Variants in GLRX3 observed in about 807,000 individuals in gnomAD.
The protein encoded by GLRX3 is glutaredoxin 3, also known as glutaredoxin-3.
A neutral mutation model predicts 49.5 loss-of-function variants in GLRX3; 22 were observed. The observed-to-expected ratio is 0.44, with a 90% CI of 0.32 to 0.63. The LOEUF (loss-of-function observed/expected upper bound fraction) is 0.63. Ranked by LOEUF, GLRX3 falls within the 30% of genes least tolerant of loss-of-function variation. The probability of loss-of-function intolerance (pLI) is 0.05; values close to 1 mark genes in which losing one functional copy is unlikely to be tolerated. For missense variants in GLRX3, 385 were observed against 396.3 expected (o/e 0.97, Z 0.24); for synonymous variants, 133 against 140.0 (o/e 0.95, Z 0.35).
intron 1 of GLRX3, among the ~76,000 whole-genome samples, chr10:130,138,852 T>TTG (rs1862117645): frequency 6.8e-6 from 1 of 146,064 alleles, no homozygotes; most frequent in African/African-American, 2.6e-5. Context: ...AAAGTGTTTT[T>TTG]TTTTTTTTTT....
intron 2 of GLRX3, among the ~76,000 whole-genome samples, chr10:130,159,350 AG>A (rs1469736248): frequency 6.6e-6 from 1 of 152,212 alleles, no homozygotes; most frequent in African/African-American, 2.4e-5. Flanking sequence ...TGTCTTGTTC[AG>A]GGGCCTTAAG....
chr10:130,143,443 A>C (rs1026766641), intron 1 of GLRX3, among the ~76,000 whole-genome samples: 1 of 152,204 alleles, frequency 6.6e-6, no homozygotes, highest in Non-Finnish European at 1.5e-5. Context: ...ATGACCATAG[A>C]TATCTTTGCC....
rs189534663 is a variant in GLRX3 at position 130,149,961 on chromosome 10, G to A, written c.201+4642G>A. The stretch of plus-strand genomic sequence containing the variant: ...AAAAAAAAAAAAAAAAAATAGGGCC[G>A]GGCATGGTGGCTCACGCTTGTAATC... On this transcript the variant is annotated intron_variant, in intron 2 of 10. Coordinates refer to ENST00000331244, the MANE Select transcript of GLRX3 (RefSeq NM_006541.5). Among the ~76,000 whole-genome samples the A allele has an allele frequency of 1.2e-3, 186 of 150,518 alleles. 2 individuals are homozygous for A. The highest frequency in any genetic ancestry group is 4.2e-3 in the African/African-American group (174 of 41,222).
intron 3 of GLRX3, among the ~76,000 whole-genome samples, chr10:130,160,345 C>T (rs947753194): frequency 2.7e-5 from 4 of 150,046 alleles, no homozygotes; most frequent in Non-Finnish European, 6.0e-5. Context: ...GGCTGTGGAA[C>T]CCCAGTGTTC....
intron 8 of GLRX3, among the ~76,000 whole-genome samples, chr10:130,173,849 C>G (rs545726185): frequency 1.3e-5 from 2 of 152,106 alleles, no homozygotes; most frequent in East Asian, 3.9e-4. Flanking sequence ...TTTGACTGTT[C>G]CCTGTACCAT....
rs377405640 is a variant in GLRX3 at position 130,140,391 on chromosome 10, G to A, written c.92+3879G>A. Among the ~76,000 whole-genome samples, 7 of 152,226 alleles carry A rather than the reference G, an allele frequency of 4.6e-5. No homozygotes were observed. In the South Asian group the frequency reaches 8.3e-4, roughly 18 times the overall value. ...AACATGTAATCCAAAAGGGGATAAC[G>A]TTTATATTTGTTTCAGATATAGTAT... On this transcript the variant is annotated intron_variant, in intron 1 of 10. Coordinates refer to ENST00000331244, the MANE Select transcript of GLRX3 (RefSeq NM_006541.5).
chr10:130,137,842 G>C (rs1478563432), intron 1 of GLRX3, among the ~76,000 whole-genome samples: 1 of 151,662 alleles, frequency 6.6e-6, no homozygotes, highest in Admixed American at 6.6e-5. Flanking sequence ...TCAAGTGATC[G>C]ACCCACCTCA....
intron 2 of GLRX3, among the ~76,000 whole-genome samples, chr10:130,148,165 C>G (rs1862302852): frequency 6.6e-6 from 1 of 152,010 alleles, no homozygotes; most frequent in African/African-American, 2.4e-5. Context: ...GAGACAAGGT[C>G]TCACTCTTAT....
At chr10:130,140,614 C>T (rs1394105582) in intron 1 of GLRX3, among the ~76,000 whole-genome samples, 1 of 152,134 alleles carries the variant, frequency 6.6e-6, no homozygotes, top group Non-Finnish European at 1.5e-5. Context: ...AATTACTCTT[C>T]AAAACCATGT....
Position 130,179,510 on chromosome 10 carries a change from A to G in GLRX3, c.*118A>G. The stretch of plus-strand genomic sequence containing the variant: ...AGAAAATTCCTGCTTTCTCAGTTAC[A>G]TGTTTTGTGTATTTCACAATGTCGT... On this transcript the variant is annotated 3_prime_UTR_variant, in exon 11 of 11. Transcript: ENST00000331244. 1.5e-6 allele frequency: 1 copy of G among 682,764 alleles called. No individual in the cohort carries two copies. 42.3% of individuals were successfully genotyped at this position (682,764 alleles called of 1,614,324 possible). A position where few individuals can be genotyped will look rare whatever the true frequency, so the allele number is the denominator to read the frequency against.
At chr10:130,162,341 G>A (rs1862590947) in intron 4 of GLRX3, among the ~76,000 whole-genome samples, 1 of 152,210 alleles carries the variant, frequency 6.6e-6, no homozygotes, top group Admixed American at 6.5e-5. Flanking sequence ...TTATGTGTCA[G>A]ATAATGCCTG....
chr10:130,160,718 T>C, intron 3 of GLRX3, 78 bp from the exon 4 acceptor site: 1 of 823,012 alleles, frequency 1.2e-6, no homozygotes, highest in African/African-American at 1.7e-5. Flanking sequence ...AATACTGTTG[T>C]CCCCTTTAAA....
chr10:130,142,852 T>G (rs1448394753), intron 1 of GLRX3, among the ~76,000 whole-genome samples: 1 of 152,152 alleles, frequency 6.6e-6, no homozygotes, highest in Non-Finnish European at 1.5e-5. Context: ...TCTGCTTTAC[T>G]ACATAAGTTC....
At chr10:130,142,190 T>G (rs933749587) in intron 1 of GLRX3, among the ~76,000 whole-genome samples, 1 of 152,190 alleles carries the variant, frequency 6.6e-6, no homozygotes, top group Non-Finnish European at 1.5e-5. Flanking sequence ...CTTGTGTGCC[T>G]GTGGACACTC....
At chr10:130,166,209 A>G (rs2134912230) in intron 4 of GLRX3, among the ~76,000 whole-genome samples, 1 of 150,356 alleles carries the variant, frequency 6.7e-6, no homozygotes, top group African/African-American at 2.4e-5. Flanking sequence ...AATGTCCATG[A>G]TATTGAAGAA....
chr10:130,156,065 G>A lies in GLRX3; in HGVS notation c.202-3930G>A, dbSNP rs932685545. Reference sequence around the variant, plus strand: ...ACTGTCTGCCTACATCACTCAACAGGTTTGTAATTGTCCTAGTCCATTTGT... The same window carrying A: ...ACTGTCTGCCTACATCACTCAACAGATTTGTAATTGTCCTAGTCCATTTGT... On this transcript the variant is annotated intron_variant, in intron 2 of 10. Coordinates refer to ENST00000331244, the MANE Select transcript of GLRX3 (RefSeq NM_006541.5). Among the ~76,000 whole-genome samples the A allele has an allele frequency of 1.1e-4, 16 of 152,278 alleles. No individual in the cohort carries two copies. In the Middle Eastern group the frequency reaches 0.01, roughly 97 times the overall value.
intron 1 of GLRX3, among the ~76,000 whole-genome samples, chr10:130,140,022 G>A (rs1293524881): frequency 6.6e-6 from 1 of 152,182 alleles, no homozygotes; most frequent in Non-Finnish European, 1.5e-5. Context: ...TTTAAAATTT[G>A]ACATGAATTG....
At chr10:130,139,435 C>G (rs113309641) in intron 1 of GLRX3, among the ~76,000 whole-genome samples, 2 of 151,136 alleles carry the variant, frequency 1.3e-5, no homozygotes, top group East Asian at 4.0e-4. Flanking sequence ...GTCAGGAGAT[C>G]GAGACCATCC....
intron 1 of GLRX3, among the ~76,000 whole-genome samples, chr10:130,140,486 G>A (rs1862152531): frequency 1.3e-5 from 2 of 152,190 alleles, no homozygotes; most frequent in African/African-American, 2.4e-5. Flanking sequence ...GGAGAATATT[G>A]TGGATAATTT....
Sources: allele counts gnomAD v4.1 joint callset (sites outside exome capture counted in the v4.1 genomes callset), GRCh38; gene constraint gnomAD v4.1.1; transcripts MANE v1.5; gene names NCBI Gene and HGNC (gene_info 2026-07-23, HGNC 2026-07-21).